Variants in UGT1A8 observed in about 807,000 individuals in gnomAD.
The protein encoded by UGT1A8 is UDP-glucuronosyltransferase 1A8.
Under a neutral mutation model 45.3 loss-of-function variants are expected in UGT1A8, and 39 were observed. That is an observed-to-expected ratio of 0.86 (90% CI 0.67 to 1.12). The LOEUF (loss-of-function observed/expected upper bound fraction) is 1.12, where lower values mean the gene tolerates loss of function less well. Ranked by LOEUF, UGT1A8 falls within the 50% of genes most tolerant of loss-of-function variation. The pLI, the probability that UGT1A8 is intolerant of heterozygous loss-of-function variation, is 0.00. For missense variants in UGT1A8, 719 were observed against 664.9 expected, an observed-to-expected ratio of 1.08 and a Z score of -0.90; for synonymous variants, 275 against 249.2, an observed-to-expected ratio of 1.10 and a Z score of -0.97.
intron 1 of UGT1A8, among the ~76,000 whole-genome samples, chr2:233,706,104 C>A (rs1265794764): frequency 2.6e-5 from 4 of 151,128 alleles, no homozygotes; most frequent in African/African-American, 9.7e-5. Context: ...TAAAAAAAAA[C>A]CAAGAATTTC....
intron 1 of UGT1A8, among the ~76,000 whole-genome samples, chr2:233,706,029 A>G (rs2075885121): frequency 6.6e-6 from 1 of 152,194 alleles, no homozygotes; most frequent in Non-Finnish European, 1.5e-5. Context: ...TGGGAGGCAG[A>G]GGTTGCAGTG....
chr2:233,726,757 A>G (rs544235681), intron 1 of UGT1A8, among the ~76,000 whole-genome samples: 1 of 152,352 alleles, frequency 6.6e-6, no homozygotes, highest in African/African-American at 2.4e-5. Flanking sequence ...TCTGCCTACC[A>G]CAGACACTAA....
intron 1 of UGT1A8, chr2:233,637,421 G>C: frequency 1.3e-6 from 2 of 1,545,366 alleles, no homozygotes; most frequent in Non-Finnish European, 1.7e-6. Flanking sequence ...ATCTGGCTTT[G>C]GAAATTAAAA....
intron 1 of UGT1A8, among the ~76,000 whole-genome samples, chr2:233,621,232 G>A (rs1198964165): frequency 6.6e-6 from 1 of 152,156 alleles, no homozygotes; most frequent in African/African-American, 2.4e-5. Flanking sequence ...GTATTCCAAT[G>A]TGTGTGTGTT....
chr2:233,649,226 G>A (rs188319234), intron 1 of UGT1A8, among the ~76,000 whole-genome samples: 24 of 152,250 alleles, frequency 1.6e-4, no homozygotes, highest in Admixed American at 3.9e-4. Context: ...ATGTGTATAC[G>A]ATTGGTTAAT....
At chr2:233,722,022 T>C (rs2076987174) in intron 1 of UGT1A8, 2 of 248,590 alleles carry the variant, frequency 8.0e-6, no homozygotes, top group Non-Finnish European at 1.6e-5. Flanking sequence ...AACTGAAACC[T>C]CTTGAATTGC....
intron 1 of UGT1A8, among the ~76,000 whole-genome samples, chr2:233,688,668 C>CT (rs201041759): frequency 1.3e-5 from 2 of 152,236 alleles, no homozygotes; most frequent in Admixed American, 6.5e-5. Context: ...GCAGCTGGCT[C>CT]TTTTTTAAAA....
chr2:233,730,223 A>G (rs144120008), intron 1 of UGT1A8, among the ~76,000 whole-genome samples: 2 of 152,266 alleles, frequency 1.3e-5, no homozygotes, highest in Non-Finnish European at 2.9e-5. Flanking sequence ...AATGTTTGTA[A>G]AAGGATGGAC....
intron 1 of UGT1A8, chr2:233,636,826 G>GCACAAAGTATA: frequency 6.2e-7 from 1 of 1,614,166 alleles, no homozygotes; most frequent in Non-Finnish European, 8.5e-7. Context: ...GAAAGCACAG[G>GCACAAAGTATA]CACAAAGTAT....
In UGT1A8 at chr2:233,637,087, T is replaced by C. The variant is rs138189938; in HGVS notation, c.855+18525T>C. ...TGCACAGTGCCCTGCTCCTCTTTCC[T>C]ATGTCCCCAATGATCTCTTAGGGTT... On this transcript the variant is annotated intron_variant, in intron 1 of 4. Transcript: ENST00000373450. The C allele has an allele frequency of 6.8e-6, 11 of 1,613,846 alleles. No individual in the cohort carries two copies. In the African/African-American group the frequency reaches 1.5e-4, roughly 22 times the overall value.
At chr2:233,662,566 T>A (rs1376871978) in intron 1 of UGT1A8, among the ~76,000 whole-genome samples, 3 of 152,236 alleles carry the variant, frequency 2.0e-5, no homozygotes, top group Non-Finnish European at 4.4e-5. Context: ...CCATAGATGA[T>A]CATGTTGACT....
intron 1 of UGT1A8, chr2:233,755,367 G>A: frequency 2.8e-6 from 1 of 362,114 alleles, no homozygotes; most frequent in Non-Finnish European, 5.3e-6. Context: ...TGGGCCGCCT[G>A]GAGGGCCGCC....
chr2:233,718,650 G>A (rs762582073), intron 1 of UGT1A8: 221 of 1,506,712 alleles, frequency 1.5e-4, no homozygotes, highest in Middle Eastern at 2.4e-4. Context: ...GGCCCATAAC[G>A]AAAGGCAGTT....
chr2:233,729,971 C>T (rs1206556766), intron 1 of UGT1A8: 1 of 1,613,904 alleles, frequency 6.2e-7, no homozygotes, highest in Non-Finnish European at 8.5e-7. Context: ...ATCAACTGTG[C>T]CAACAGGAAG....
At chr2:233,669,776 C>G (rs184924487) in intron 1 of UGT1A8, among the ~76,000 whole-genome samples, 1 of 152,108 alleles carries the variant, frequency 6.6e-6, no homozygotes, top group Non-Finnish European at 1.5e-5. Context: ...CTCCGCTTCC[C>G]GGGTTCAAGT....
intron 1 of UGT1A8, among the ~76,000 whole-genome samples, chr2:233,667,171 G>T (rs1439181402): frequency 6.6e-6 from 1 of 152,130 alleles, no homozygotes; most frequent in East Asian, 1.9e-4. Context: ...ACCCAGTAAT[G>T]GGATGGCTGG....
At chr2:233,693,985 A>C (rs1444148236) in intron 1 of UGT1A8, 2 of 1,547,132 alleles carry the variant, frequency 1.3e-6, no homozygotes, top group Admixed American at 3.8e-5. Flanking sequence ...GGTGGGGGGA[A>C]GTGATACCCG....
At chr2:233,760,586 T>G in intron 1 of UGT1A8, 1 of 1,614,234 alleles carries the variant, frequency 6.2e-7, no homozygotes, top group Non-Finnish European at 8.5e-7. Flanking sequence ...CATAATGTTT[T>G]TGAGAATGAT....
At chr2:233,621,318 T>G (rs1395169294) in intron 1 of UGT1A8, among the ~76,000 whole-genome samples, 1 of 152,212 alleles carries the variant, frequency 6.6e-6, no homozygotes, top group Non-Finnish European at 1.5e-5. Context: ...ACTCCTAGTC[T>G]CTTTGAATTT....
Sources: gnomAD v4.1 joint callset for allele counts (sites outside exome capture counted in the v4.1 genomes callset) on GRCh38, gnomAD v4.1.1 for gene constraint, MANE v1.5 for transcripts, NCBI Gene and HGNC (gene_info 2026-07-23, HGNC 2026-07-21) for gene names.